The following TRAK2 variants were observed in gnomAD, a reference collection of about 807,000 sequenced individuals.
The protein encoded by TRAK2 is trafficking kinesin protein 2.
Under a neutral mutation model 104.6 loss-of-function variants are expected in TRAK2, and 81 were observed. The ratio of observed to expected loss-of-function variants is 0.77; its 90% CI spans 0.65 to 0.93. TRAK2 has a LOEUF of 0.93. TRAK2 is among the 40% of genes least tolerant of loss of function. The probability of loss-of-function intolerance (pLI) is 0.00; values close to 1 mark genes in which losing one functional copy is unlikely to be tolerated. For synonymous variants in TRAK2, 406 were observed against 394.4 expected (o/e 1.03, Z -0.35); for missense variants, 1,002 against 1,089.0 (o/e 0.92, Z 1.12).
At chr2:201,427,514 T>G (rs1951800269) in intron 1 of TRAK2, among the ~76,000 whole-genome samples, 1 of 152,236 alleles carries the variant, frequency 6.6e-6, no homozygotes, top group African/African-American at 2.4e-5. Flanking sequence ...TCCTTTTTTA[T>G]GGTTGCATAG....
intron 6 of TRAK2, 32 bp from the exon 7 acceptor site, chr2:201,397,612 C>A: frequency 7.1e-7 from 1 of 1,410,696 alleles, no homozygotes; most frequent in South Asian, 1.2e-5. Context: ...GTGACAATAC[C>A]TTCTAGTGAT....
At position 201,393,094 on chromosome 2, in the gene TRAK2, T is replaced by C. The variant is rs187157539; in HGVS notation, c.976-48A>G. The C allele has an allele frequency of 1.6e-3, 2,517 of 1,544,470 alleles. 2 individuals are homozygous for C. The highest frequency in any genetic ancestry group is 2.0e-3 in the Non-Finnish European group (2,300 of 1,145,224). ...ACTTTATTGCCTTCCCAAAACAACATTAGGGAAAAAAAACCCGAAACCTTT... is the reference window on the plus strand; with the variant it reads ...ACTTTATTGCCTTCCCAAAACAACACTAGGGAAAAAAAACCCGAAACCTTT... On this transcript the variant is annotated intron_variant, in intron 9 of 15. Transcript: ENST00000332624.
At chr2:201,428,648 G>A (rs1951812611) in intron 1 of TRAK2, among the ~76,000 whole-genome samples, 2 of 152,164 alleles carry the variant, frequency 1.3e-5, no homozygotes, top group African/African-American at 4.8e-5. Context: ...TCTTGGCAAT[G>A]CAGGCTCTTT....
At chr2:201,437,737 A>G (rs184495813) in intron 1 of TRAK2, among the ~76,000 whole-genome samples, 2 of 152,160 alleles carry the variant, frequency 1.3e-5, no homozygotes, top group African/African-American at 2.4e-5. Context: ...CGTGTCCTCC[A>G]GTCTTAACCC....
chr2:201,390,681 A>T (rs974830392), intron 10 of TRAK2, among the ~76,000 whole-genome samples: 1 of 151,744 alleles, frequency 6.6e-6, no homozygotes, highest in Admixed American at 6.6e-5. Context: ...CCCCCCAGTC[A>T]GGGATGAGGA....
At chr2:201,397,606 C>T in intron 6 of TRAK2, 26 bp from the exon 7 acceptor site, 1 of 1,458,588 alleles carries the variant, frequency 6.9e-7, no homozygotes, top group Non-Finnish European at 9.6e-7. Flanking sequence ...CAGTATGTGA[C>T]AATACCTTCT....
chr2:201,444,186 G>C (rs1951947548), intron 1 of TRAK2, among the ~76,000 whole-genome samples: 1 of 151,996 alleles, frequency 6.6e-6, no homozygotes, highest in Non-Finnish European at 1.5e-5. Flanking sequence ...GGGTGACAGA[G>C]TGAGACTCTG....
In TRAK2 at chr2:201,381,163, C is replaced by T. The variant is rs1381893667; in HGVS notation, c.2125G>A (p.Ala709Thr). The T allele has an allele frequency of 1.2e-6, 2 of 1,613,414 alleles. No individual in the cohort carries two copies. The highest frequency in any genetic ancestry group is 1.7e-5 in the Admixed American group (1 of 59,898). ...TAGGACAAGGCAGGAGAATTCACAG[C>T]CGTGTTGGATGAACTGCTACCGCTA... ...GSSGSSSSNTAVNSPALSYRL... is the reference protein window; with the variant it reads ...GSSGSSSSNTTVNSPALSYRL... Residue 709 changes from alanine to threonine, a missense_variant, in exon 16 of 16, where the codon GCT becomes ACT. Transcript: ENST00000332624.
intron 8 of TRAK2, 175 bp downstream of exon 8, chr2:201,395,139 T>G (rs1292962382): frequency 3.2e-6 from 2 of 632,252 alleles, no homozygotes; most frequent in Non-Finnish European, 5.3e-6. Flanking sequence ...GACTTGAAAG[T>G]ATTTATTCAT....
chr2:201,410,178 T>C (rs1576520382), intron 2 of TRAK2, among the ~76,000 whole-genome samples: 2 of 151,986 alleles, frequency 1.3e-5, no homozygotes, highest in Non-Finnish European at 2.9e-5. Context: ...GGCGGGCGCC[T>C]GCAGTCCCAG....
intron 6 of TRAK2, chr2:201,397,860 TAA>T (rs1951515918): frequency 3.6e-6 from 2 of 553,914 alleles, no homozygotes; most frequent in Non-Finnish European, 6.4e-6. Context: ...GTTACTTGTG[TAA>T]AAGTTATCAC....
chr2:201,408,955 A>G (rs1951620548), intron 2 of TRAK2, among the ~76,000 whole-genome samples: 2 of 152,348 alleles, frequency 1.3e-5, no homozygotes, highest in African/African-American at 4.8e-5. Context: ...AAGAAGTGGT[A>G]CATCTAAATC....
rs1448976143 is a variant in TRAK2, at chr2:201,377,971, A to G, written c.*2572T>C. On this transcript the variant is annotated 3_prime_UTR_variant, in exon 16 of 16. Transcript: ENST00000332624. ...AAAGACTAAAATGTGAATAGTGACA[A>G]AACATAACAGATAAATTGGGAGGAA... is the stretch of plus-strand genomic sequence containing the variant. The G allele has an allele frequency of 5.9e-5, 9 of 152,582 alleles. No homozygotes were observed. The East Asian group carries it at 1.7e-3, about 29-fold the overall frequency. 9.5% of individuals were successfully genotyped at this position (152,582 alleles called of 1,614,324 possible). A position where few individuals can be genotyped will look rare whatever the true frequency, so the allele number is the denominator to read the frequency against.
chr2:201,439,413 G>A (rs1314041037), intron 1 of TRAK2, among the ~76,000 whole-genome samples: 2 of 151,618 alleles, frequency 1.3e-5, no homozygotes, highest in Non-Finnish European at 2.9e-5. Flanking sequence ...GTTTTCCATG[G>A]TTTTCTTATT....
intron 7 of TRAK2, 103 bp from the exon 8 acceptor site, chr2:201,395,547 T>C: frequency 4.4e-6 from 5 of 1,148,648 alleles, no homozygotes; most frequent in Non-Finnish European, 5.7e-6. Context: ...AGCACTGGAC[T>C]GTCGTGAATA....
chr2:201,407,387 T>TA lies in TRAK2; in HGVS notation c.286+15dup, dbSNP rs753037225. ...TACTTTAATGCACAAACTAAAAGAG[T>TA]AAAAAAAATACTCACTCATGTAACG... On this transcript the variant is annotated intron_variant, in intron 3 of 15. Coordinates refer to ENST00000332624, the MANE Select transcript of TRAK2 (RefSeq NM_015049.3). 1.7e-5 allele frequency: 27 copies of TA among 1,598,496 alleles called. No homozygotes were observed. The highest frequency in any genetic ancestry group is 2.0e-5 in the Non-Finnish European group (24 of 1,171,154).
intron 2 of TRAK2, 83 bp downstream of exon 2, chr2:201,420,334 G>T: frequency 8.6e-7 from 1 of 1,156,108 alleles, no homozygotes. Flanking sequence ...GTTTCATCAT[G>T]ATAGGTCATA....
In TRAK2 at chr2:201,431,708, C is replaced by G. The variant is rs149375918; in HGVS notation, c.-199-11002G>C. Among the ~76,000 whole-genome samples the G allele has an allele frequency of 4.3e-3, 647 of 152,230 alleles. 6 individuals carry two copies. The highest frequency in any genetic ancestry group is 0.015 in the African/African-American group (614 of 41,486). ...GCATATAAGGTAATATTCACAGGAT[C>G]CAGGGATCAAGAACTGCATATCTTT... On this transcript the variant is annotated intron_variant, in intron 1 of 15. Transcript: ENST00000332624.
At chr2:201,407,665 G>A (rs1951607540) in intron 2 of TRAK2, 68 bp from the exon 3 acceptor site, 1 of 1,409,354 alleles carries the variant, frequency 7.1e-7, no homozygotes, top group Admixed American at 2.4e-5. Context: ...AGAGAAAATT[G>A]ATGAAAATTA....
Sources: allele counts gnomAD v4.1 joint callset (sites outside exome capture counted in the v4.1 genomes callset), GRCh38; gene constraint gnomAD v4.1.1; transcripts MANE v1.5; gene names NCBI Gene and HGNC (gene_info 2026-07-23, HGNC 2026-07-21).